DNAJC5B: variants seen among roughly 807,000 people sequenced by gnomAD.
DNAJC5B encodes dnaJ homolog subfamily C member 5B.
A neutral mutation model predicts 24.7 loss-of-function variants in DNAJC5B; 23 were observed. The ratio of observed to expected loss-of-function variants is 0.93; its 90% CI spans 0.67 to 1.32. The LOEUF is 1.32. DNAJC5B is among the 40% of genes most tolerant of loss of function. DNAJC5B has a pLI of 0.00. For synonymous variants in DNAJC5B, 101 were observed against 90.1 expected (o/e 1.12, Z -0.68); for missense variants, 238 against 240.8 (o/e 0.99, Z 0.08).
At chr8:66,058,714 A>AT (rs1807018657) in intron 3 of DNAJC5B, among the ~76,000 whole-genome samples, 1 of 152,224 alleles carries the variant, frequency 6.6e-6, no homozygotes, top group South Asian at 2.1e-4. Context: ...CTTCCTGTGC[A>AT]TAAAGCACCT....
rs912517935 is a variant in DNAJC5B at position 66,101,167 on chromosome 8, T to C, written c.*1136T>C. Among the ~76,000 whole-genome samples the C allele has an allele frequency of 2.6e-5, 4 of 152,222 alleles. No individual in the cohort carries two copies. Among genetic ancestry groups the C allele is most frequent in the Non-Finnish European group, 5.9e-5 (4 of 68,042 alleles). On this transcript the variant is annotated 3_prime_UTR_variant, in exon 6 of 6. Coordinates refer to ENST00000276570, the MANE Select transcript of DNAJC5B (RefSeq NM_033105.6). ...TTCCCACCCAAAAAATTATAGTTAA[T>C]TGCTGCTAAATATATATTGTAAGTG... is the stretch of plus-strand genomic sequence containing the variant.
chr8:66,075,594 G>C lies in DNAJC5B; in HGVS notation c.120-1066G>C, dbSNP rs973574200. ...AATACCCCAGATATCTTTCAAAAAG[G>C]ATGAAAATAAGTTTTGGTTAAATAA... On this transcript the variant is annotated intron_variant, in intron 3 of 5. Coordinates refer to ENST00000276570, the MANE Select transcript of DNAJC5B (RefSeq NM_033105.6). 2.6e-5 allele frequency among the ~76,000 whole-genome samples: 4 copies of C among 152,132 alleles called. No individual in the cohort carries two copies. In the East Asian group the frequency reaches 5.8e-4, roughly 22 times the overall value.
chr8:66,076,552 A>G (rs554709883), intron 3 of DNAJC5B, 108 bp from the exon 4 acceptor site: 1 of 1,156,440 alleles, frequency 8.6e-7, no homozygotes, highest in Non-Finnish European at 1.3e-6. Context: ...ACCATTTCAC[A>G]GTATTTGCGC....
Position 66,076,857 on chromosome 8 carries a change from C to A in DNAJC5B, c.317C>A (p.Ser106Ter). ...AACGTTAACACCTACTTCATGCTGT[C>A]GAGCTGGTGGGCAAAGGTGAAACTG... ...DENVNTYFML[S>*]SWWAKALFVI... Residue 106 changes from serine to a stop codon, truncating the protein, a stop_gained, in exon 4 of 6, where the codon TCG (serine) becomes TAG (stop). Transcript: ENST00000276570. LOFTEE classifies it high-confidence loss of function. 2 of 1,614,088 alleles carry A rather than the reference C, an allele frequency of 1.2e-6. No homozygotes were observed. The highest frequency in any genetic ancestry group is 1.7e-4 in the Middle Eastern group (1 of 6,060).
intron 3 of DNAJC5B, among the ~76,000 whole-genome samples, chr8:66,074,366 A>C: frequency 6.6e-6 from 1 of 152,346 alleles, no homozygotes; most frequent in East Asian, 1.9e-4. Context: ...CTGCCTCAAA[A>C]TAGGAAGATC....
intron 2 of DNAJC5B, among the ~76,000 whole-genome samples, chr8:66,048,836 T>A (rs1359294305): frequency 1.3e-5 from 2 of 152,132 alleles, no homozygotes; most frequent in Non-Finnish European, 2.9e-5. Context: ...GGCCATCCCC[T>A]CCCACTCTCA....
At chr8:66,078,945 T>A in intron 4 of DNAJC5B, among the ~76,000 whole-genome samples, 1 of 152,210 alleles carries the variant, frequency 6.6e-6, no homozygotes, top group East Asian at 1.9e-4. Flanking sequence ...AAGTCCTCTT[T>A]GTCCCTCTTG....
intron 3 of DNAJC5B, among the ~76,000 whole-genome samples, chr8:66,069,342 C>T (rs985789958): frequency 1.3e-5 from 2 of 151,788 alleles, no homozygotes; most frequent in East Asian, 1.9e-4. Flanking sequence ...TTTAAGAATA[C>T]AGAAAATTTG....
At chr8:66,037,450 G>T (rs886631371) in intron 1 of DNAJC5B, among the ~76,000 whole-genome samples, 2 of 152,118 alleles carry the variant, frequency 1.3e-5, no homozygotes. Context: ...CGTGGGAGAG[G>T]TGCCTTGCCA....
At chr8:66,023,609 T>C (rs1161758719) in intron 1 of DNAJC5B, among the ~76,000 whole-genome samples, 2 of 152,240 alleles carry the variant, frequency 1.3e-5, no homozygotes, top group East Asian at 1.9e-4. Flanking sequence ...AGGTAGATAA[T>C]ACTTTGTTTA....
intron 1 of DNAJC5B, among the ~76,000 whole-genome samples, chr8:66,029,639 A>G (rs146363969): frequency 4.1e-4 from 63 of 152,340 alleles, no homozygotes; most frequent in Admixed American, 1.2e-3. Context: ...CACTACCTCT[A>G]TTCAAGAAAC....
intron 1 of DNAJC5B, among the ~76,000 whole-genome samples, chr8:66,022,105 G>A (rs1806140742): frequency 6.6e-6 from 1 of 152,172 alleles, no homozygotes; most frequent in Non-Finnish European, 1.5e-5. Context: ...ATCTTGAAAG[G>A]CAAAAGGATA....
At chr8:66,093,870 G>A (rs1410896366) in intron 5 of DNAJC5B, among the ~76,000 whole-genome samples, 1 of 152,094 alleles carries the variant, frequency 6.6e-6, no homozygotes, top group Admixed American at 6.5e-5. Flanking sequence ...ACATATAAGA[G>A]TTTAATCACC....
In DNAJC5B at chr8:66,080,529, C is replaced by A. The variant is rs1479503567; in HGVS notation, c.486C>A (p.Ile162=). ...CCCCAGAGGATCTGGAGGAGCAGAT[C>A]AAGTCTGACATGGAAAAAGGTGGGG... ...YVSPEDLEEQ[I]KSDMEKDVDF... The change falls in exon 5 of 6, where the codon ATC becomes ATA. Residue 162 remains isoleucine, a synonymous_variant. Coordinates refer to ENST00000276570, the MANE Select transcript of DNAJC5B (RefSeq NM_033105.6). 1.2e-6 allele frequency: 2 copies of A among 1,610,412 alleles called. No individual in the cohort carries two copies. Among genetic ancestry groups the A allele is most frequent in the South Asian group, 1.1e-5 (1 of 90,510 alleles).
At chr8:66,049,614 A>C (rs1200526167) in intron 2 of DNAJC5B, among the ~76,000 whole-genome samples, 1 of 152,220 alleles carries the variant, frequency 6.6e-6, no homozygotes, top group Non-Finnish European at 1.5e-5. Context: ...ACAATGATAA[A>C]ATCCCCTAAA....
intron 5 of DNAJC5B, among the ~76,000 whole-genome samples, chr8:66,088,305 G>A (rs1807773223): frequency 6.6e-6 from 1 of 152,206 alleles, no homozygotes; most frequent in African/African-American, 2.4e-5. Context: ...ACAGAGCAGT[G>A]GGGCCCTGGC....
At chr8:66,019,980 G>A (rs1293203713), upstream of DNAJC5B, among the ~76,000 whole-genome samples, 1 of 152,190 alleles carries the variant, frequency 6.6e-6, no homozygotes, top group Admixed American at 6.5e-5. Flanking sequence ...AGACATTTAG[G>A]AAGTTAGTAA....
At chr8:66,041,780 G>A (rs1197428753) in intron 1 of DNAJC5B, among the ~76,000 whole-genome samples, 1 of 152,150 alleles carries the variant, frequency 6.6e-6, no homozygotes, top group Non-Finnish European at 1.5e-5. Context: ...GCCTCACCTG[G>A]TTACGTGGAA....
chr8:66,035,517 G>C (rs553396037), intron 1 of DNAJC5B, among the ~76,000 whole-genome samples: 1 of 152,274 alleles, frequency 6.6e-6, no homozygotes, highest in South Asian at 2.1e-4. Flanking sequence ...ATGTGAAGAC[G>C]CAGACCCAGG....
Sources: allele counts gnomAD v4.1 joint callset (sites outside exome capture counted in the v4.1 genomes callset), GRCh38; gene constraint gnomAD v4.1.1; transcripts MANE v1.5; gene names NCBI Gene and HGNC (gene_info 2026-07-23, HGNC 2026-07-21).